Variants in MTHFD2L observed in about 807,000 individuals in gnomAD.
MTHFD2L encodes methylenetetrahydrofolate dehydrogenase (NADP+ dependent) 2 like, also known as bifunctional methylenetetrahydrofolate dehydrogenase/cyclohydrolase 2, mitochondrial.
Under a neutral mutation model 34.9 loss-of-function variants are expected in MTHFD2L, and 29 were observed. The observed-to-expected ratio is 0.83, with a 90% confidence interval of 0.62 to 1.13. The LOEUF (loss-of-function observed/expected upper bound fraction) is 1.13. MTHFD2L is among the 50% of genes most tolerant of loss of function. MTHFD2L has a pLI of 0.00. For missense variants in MTHFD2L, 481 were observed against 446.5 expected (o/e 1.08, Z -0.70); for synonymous variants, 167 against 155.7 (o/e 1.07, Z -0.54).
At chr4:74,227,909 TG>T (rs1299724620) in intron 6 of MTHFD2L, among the ~76,000 whole-genome samples, 1 of 152,192 alleles carries the variant, frequency 6.6e-6, no homozygotes, top group African/African-American at 2.4e-5. Context: ...TGCTCTAATT[TG>T]TTTTGTATTT....
At chr4:74,273,644 T>G (rs1333691227) in intron 6 of MTHFD2L, among the ~76,000 whole-genome samples, 1 of 152,154 alleles carries the variant, frequency 6.6e-6, no homozygotes, top group Non-Finnish European at 1.5e-5. Context: ...AACTAAGCCA[T>G]TTAGAAAGAT....
chr4:74,138,558 A>G (rs115359998), intron 1 of MTHFD2L, among the ~76,000 whole-genome samples: 1,649 of 152,260 alleles, frequency 0.011, 28 homozygotes, highest in African/African-American at 0.038. Context: ...TTAACCATGC[A>G]GGAACAATGG....
intron 5 of MTHFD2L, among the ~76,000 whole-genome samples, chr4:74,220,898 C>A (rs993615059): frequency 6.6e-6 from 1 of 150,618 alleles, no homozygotes; most frequent in African/African-American, 2.4e-5. Context: ...TCAATTTCTA[C>A]AGTTAAATGA....
At position 74,162,759 on chromosome 4, in the gene MTHFD2L, A is replaced by G. The variant is rs182729098; in HGVS notation, c.143+4478A>G. On this transcript the variant is annotated intron_variant, in intron 1 of 7. Coordinates refer to ENST00000325278, the MANE Select transcript of MTHFD2L (RefSeq NM_001144978.3). ...AGATTGAGAAATTGAGGCTTAAAGAAATTAAACTTGTCAAGTTGACACAGT... is the reference window on the plus strand; with the variant it reads ...AGATTGAGAAATTGAGGCTTAAAGAGATTAAACTTGTCAAGTTGACACAGT... Among the ~76,000 whole-genome samples the G allele has an allele frequency of 9.3e-4, 141 of 152,292 alleles. 1 individual carries two copies. Among genetic ancestry groups the G allele is most frequent in the Non-Finnish European group, 1.7e-3 (114 of 68,000 alleles).
At chr4:74,264,407 C>A (rs1234062189) in intron 6 of MTHFD2L, among the ~76,000 whole-genome samples, 1 of 151,826 alleles carries the variant, frequency 6.6e-6, no homozygotes, top group Non-Finnish European at 1.5e-5. Flanking sequence ...TCAACCCCTC[C>A]AACCCAAGAA....
At chr4:74,204,422 G>C (rs927437334) in intron 5 of MTHFD2L, among the ~76,000 whole-genome samples, 1 of 152,086 alleles carries the variant, frequency 6.6e-6, no homozygotes, top group Non-Finnish European at 1.5e-5. Context: ...ACTATCATGT[G>C]TGAAGTAACA....
chr4:74,190,502 T>C, intron 3 of MTHFD2L: 1 of 985,424 alleles, frequency 1.0e-6, no homozygotes, highest in South Asian at 4.7e-5. Context: ...GACCCACCTT[T>C]TTCCGGCCTA....
At chr4:74,238,529 GAC>G (rs1741184061) in intron 6 of MTHFD2L, among the ~76,000 whole-genome samples, 1 of 152,162 alleles carries the variant, frequency 6.6e-6, no homozygotes, top group African/African-American at 2.4e-5. Flanking sequence ...CACAGCGAAA[GAC>G]ACTGTCATCA....
chr4:74,183,742 A>G (rs1730621681), intron 3 of MTHFD2L: 1 of 152,070 alleles, frequency 6.6e-6, no homozygotes, highest in Non-Finnish European at 1.5e-5. Context: ...CCAAGGAATT[A>G]AGAGCTCTGG....
At chr4:74,279,379 A>T (rs1198581599) in intron 6 of MTHFD2L, among the ~76,000 whole-genome samples, 1 of 152,022 alleles carries the variant, frequency 6.6e-6, no homozygotes, top group Non-Finnish European at 1.5e-5. Context: ...TTTGGATAGT[A>T]AGATAACAGT....
upstream of MTHFD2L, chr4:74,158,111 C>T: frequency 6.5e-7 from 1 of 1,530,320 alleles, no homozygotes; most frequent in South Asian, 1.2e-5. Context: ...AGGTGGAGCC[C>T]CAGTCCGGAA....
chr4:74,228,021 C>A (rs141997444), intron 6 of MTHFD2L, among the ~76,000 whole-genome samples: 198 of 152,236 alleles, frequency 1.3e-3, no homozygotes, highest in African/African-American at 4.6e-3. Flanking sequence ...CAGTAGTTGG[C>A]TCCTCATAGA....
At chr4:74,231,478 G>A (rs1229428430) in intron 6 of MTHFD2L, among the ~76,000 whole-genome samples, 1 of 152,066 alleles carries the variant, frequency 6.6e-6, no homozygotes, top group Non-Finnish European at 1.5e-5. Context: ...ACATTTCATG[G>A]CTTCACTCAT....
At chr4:74,201,242 A>T in intron 4 of MTHFD2L, 21 bp from the exon 5 acceptor site, 1 of 1,592,228 alleles carries the variant, frequency 6.3e-7, no homozygotes, top group East Asian at 2.2e-5. Flanking sequence ...TCTGCATTTA[A>T]ACCGAACTCT....
intron 7 of MTHFD2L, chr4:74,293,447 A>T: frequency 1.3e-6 from 1 of 798,786 alleles, no homozygotes; most frequent in Non-Finnish European, 1.5e-6. Flanking sequence ...CATTTCTACC[A>T]CATTAGGACA....
upstream of MTHFD2L, among the ~76,000 whole-genome samples, chr4:74,153,681 A>T (rs572622211): frequency 6.6e-6 from 1 of 152,324 alleles, no homozygotes; most frequent in Non-Finnish European, 1.5e-5. Flanking sequence ...AAACTTGGAT[A>T]AAGTCCACCT....
intron 6 of MTHFD2L, among the ~76,000 whole-genome samples, chr4:74,231,566 C>T (rs904074081): frequency 6.6e-6 from 1 of 152,150 alleles, no homozygotes; most frequent in African/African-American, 2.4e-5. Flanking sequence ...TGCTACTCCA[C>T]TTAAGGGTTC....
intron 5 of MTHFD2L, among the ~76,000 whole-genome samples, chr4:74,209,952 A>T (rs145980571): frequency 0.01 from 1,596 of 152,298 alleles, 27 homozygotes; most frequent in African/African-American, 0.037. Flanking sequence ...ACCAGTGATG[A>T]TGAGCTTTTT....
chr4:74,213,193 T>G (rs1257165979), intron 5 of MTHFD2L, among the ~76,000 whole-genome samples: 1 of 152,204 alleles, frequency 6.6e-6, no homozygotes, highest in Admixed American at 6.5e-5. Context: ...TTAGCCTGTT[T>G]ACATTTAAGT....
Sources: gnomAD v4.1 joint callset for allele counts (sites outside exome capture counted in the v4.1 genomes callset) on GRCh38, gnomAD v4.1.1 for gene constraint, MANE v1.5 for transcripts, NCBI Gene and HGNC (gene_info 2026-07-23, HGNC 2026-07-21) for gene names.